The following MERTK variants were observed in gnomAD, a reference collection of about 807,000 sequenced individuals.
MERTK encodes tyrosine-protein kinase Mer.
Under a neutral mutation model 99.3 loss-of-function variants are expected in MERTK, and 69 were observed. The ratio of observed to expected loss-of-function variants is 0.70; its 90% CI spans 0.57 to 0.85. The LOEUF (loss-of-function observed/expected upper bound fraction) is 0.85. MERTK is among the 40% of genes least tolerant of loss of function. The pLI is 0.00. For synonymous variants in MERTK, 426 were observed against 467.6 expected (o/e 0.91, Z 1.15); for missense variants, 1,125 against 1,249.4 (o/e 0.90, Z 1.50).
intron 7 of MERTK, among the ~76,000 whole-genome samples, chr2:111,976,779 C>A (rs1011102329): frequency 4.0e-5 from 6 of 150,448 alleles, no homozygotes; most frequent in Non-Finnish European, 7.4e-5. Context: ...TTTTATGATT[C>A]TATGTTTAAT....
At chr2:111,978,751 AT>A (rs1676307848) in intron 7 of MERTK, among the ~76,000 whole-genome samples, 1 of 152,268 alleles carries the variant, frequency 6.6e-6, no homozygotes, top group East Asian at 1.9e-4. Flanking sequence ...ATAATGTTTG[AT>A]TGGATTACAG....
intron 1 of MERTK, among the ~76,000 whole-genome samples, chr2:111,901,356 C>G (rs1278047661): frequency 6.6e-6 from 1 of 152,050 alleles, no homozygotes; most frequent in African/African-American, 2.4e-5. Context: ...CTTTTCCAAA[C>G]TGATATTGTA....
intron 8 of MERTK, among the ~76,000 whole-genome samples, chr2:111,986,577 C>T (rs569887561): frequency 6.6e-6 from 1 of 152,306 alleles, no homozygotes; most frequent in South Asian, 2.1e-4. Context: ...TTCTGAAGGG[C>T]AGCAATGATG....
intron 2 of MERTK, among the ~76,000 whole-genome samples, chr2:111,943,678 A>G (rs1684904420): frequency 6.6e-6 from 1 of 152,252 alleles, no homozygotes. Flanking sequence ...AAATACAGTC[A>G]TGCTGTCAGT....
At chr2:111,960,425 G>A (rs1225474308) in intron 4 of MERTK, among the ~76,000 whole-genome samples, 1 of 145,896 alleles carries the variant, frequency 6.9e-6, no homozygotes, top group African/African-American at 2.5e-5. Context: ...AGGTTGCAGT[G>A]AGCCAAGATC....
chr2:112,002,949 G>C (rs1676899612), intron 11 of MERTK, 143 bp from the exon 12 acceptor site: 2 of 530,980 alleles, frequency 3.8e-6, no homozygotes, highest in Admixed American at 5.4e-5. Context: ...CTCCAGCCTG[G>C]GCAACAGAGC....
chr2:112,004,677 T>C (rs879434523), intron 13 of MERTK, among the ~76,000 whole-genome samples: 4 of 152,130 alleles, frequency 2.6e-5, no homozygotes, highest in African/African-American at 4.8e-5. Flanking sequence ...TTTGGGAGGC[T>C]GAGGCGGGCA....
At chr2:111,943,412 G>A (rs1684899864) in intron 2 of MERTK, among the ~76,000 whole-genome samples, 1 of 152,174 alleles carries the variant, frequency 6.6e-6, no homozygotes, top group Non-Finnish European at 1.5e-5. Flanking sequence ...GGTGGCTCAT[G>A]GCTGTAATCC....
Position 112,029,042 on chromosome 2 carries a change from T to C in MERTK, c.*178T>C. ...TAAAAATACATAATATATATTTATT[T>C]AAAGAGAAAAAATATGTGTATATCA... On this transcript the variant is annotated 3_prime_UTR_variant, in exon 19 of 19. Coordinates refer to ENST00000295408, the MANE Select transcript of MERTK (RefSeq NM_006343.3). The C allele has an allele frequency of 7.3e-7, 1 of 1,375,508 alleles. No individual in the cohort carries two copies. The highest frequency in any genetic ancestry group is 9.4e-7 in the Non-Finnish European group (1 of 1,058,674). The allele number at this position is 1,375,508 out of a possible 1,614,324, so 85.2% of individuals were successfully genotyped here.
intron 15 of MERTK, among the ~76,000 whole-genome samples, chr2:112,018,716 C>A (rs996666397): frequency 1.3e-5 from 2 of 152,174 alleles, no homozygotes; most frequent in African/African-American, 2.4e-5. Context: ...ATCCTCATAA[C>A]TGATTCCAAC....
At position 112,008,493 on chromosome 2, in the gene MERTK, A is replaced by C. The variant is rs1558805585; in HGVS notation, c.1960+18A>C. The C allele has an allele frequency of 1.3e-6, 2 of 1,598,914 alleles. No homozygotes were observed. The highest frequency in any genetic ancestry group is 3.3e-5 in the Admixed American group (2 of 60,012). On this transcript the variant is annotated intron_variant, in intron 14 of 18. Transcript: ENST00000295408. ...ACTTCTAGGTACTTCCGAGAAATGC[A>C]GGAGTGGGTGGCCAAGAGGGCTCTG...
rs994348770 is a variant in MERTK at position 112,021,657 on chromosome 2, T to TA, written c.2349+77dup. The TA allele has an allele frequency of 2.9e-6, 4 of 1,365,786 alleles. No homozygotes were observed. In the African/African-American group the frequency reaches 5.7e-5, roughly 20 times the overall value. 84.6% of individuals were successfully genotyped at this position (1,365,786 alleles called of 1,614,324 possible). ...TATTGAAAGAAATGACCTCAGCTGG[T>TA]ATGGCAAGACATTTTACTCTTTGAT... On this transcript the variant is annotated intron_variant, in intron 17 of 18. Transcript: ENST00000295408.
chr2:111,987,722 A>G (rs926125828), intron 8 of MERTK, among the ~76,000 whole-genome samples: 90 of 152,210 alleles, frequency 5.9e-4, no homozygotes, highest in African/African-American at 2.1e-3. Flanking sequence ...AATATTGCAT[A>G]TTATACCACC....
Position 111,975,370 on chromosome 2 carries a change from C to A in MERTK, c.1042C>A (p.Gln348Lys). 6.2e-7 allele frequency: 1 copy of A among 1,614,182 alleles called. No homozygotes were observed. Among genetic ancestry groups the A allele is most frequent in the Non-Finnish European group, 8.5e-7 (1 of 1,180,004 alleles). Residue 348 changes from glutamine to lysine, a missense_variant, in exon 7 of 19, where the codon CAG (glutamine) becomes AAG (lysine). Physicochemically the swap from Gln to Lys is moderately conservative, Grantham distance 53. Coordinates refer to ENST00000295408, the MANE Select transcript of MERTK (RefSeq NM_006343.3). ...SALPHLYQIK[Q>K]LQALANYSIG... is the part of the protein sequence containing the mutation. ...CTTACCACATCTGTACCAAATCAAG[C>A]AGCTGCAAGCCCTGGCTAATTACAG...
At chr2:112,028,205 C>A in intron 18 of MERTK, 146 bp from the exon 19 acceptor site, 2 of 868,964 alleles carry the variant, frequency 2.3e-6, no homozygotes, top group South Asian at 1.6e-5. Context: ...AAATATTAGG[C>A]CACCAAAAAA....
At chr2:111,909,837 G>A (rs1207413056) in intron 1 of MERTK, among the ~76,000 whole-genome samples, 3 of 151,904 alleles carry the variant, frequency 2.0e-5, no homozygotes, top group African/African-American at 4.8e-5. Flanking sequence ...CCCTCAGTTC[G>A]GTCCGGGAAC....
intron 4 of MERTK, among the ~76,000 whole-genome samples, chr2:111,957,814 A>G (rs1685177736): frequency 6.6e-6 from 1 of 152,192 alleles, no homozygotes; most frequent in Non-Finnish European, 1.5e-5. Context: ...TTCCTTTGGT[A>G]GAAAGATGGA....
Position 111,919,782 on chromosome 2 carries a change from TTTTTTC to T in MERTK, c.62-9327_62-9322del, listed in dbSNP as rs557340179. 4.4e-3 allele frequency among the ~76,000 whole-genome samples: 662 copies of T among 150,610 alleles called. 3 individuals are homozygous for T. The highest frequency in any genetic ancestry group is 7.2e-3 in the Non-Finnish European group (488 of 67,712). On this transcript the variant is annotated intron_variant, in intron 1 of 18. Coordinates refer to ENST00000295408, the MANE Select transcript of MERTK (RefSeq NM_006343.3). ...CCTCTGCTCATTTTGTTTTTTGATGTTTTTTCTTTTTCTTTTCTTTTTTTTTTTTTT... is the reference window on the plus strand; with the variant it reads ...CCTCTGCTCATTTTGTTTTTTGATGTTTTTTCTTTTCTTTTTTTTTTTTTT...
intron 1 of MERTK, 59 bp downstream of exon 1, chr2:111,898,855 G>T (rs1025142548): frequency 1.3e-6 from 2 of 1,516,532 alleles, no homozygotes; most frequent in African/African-American, 2.8e-5. Flanking sequence ...AGGAAGCAGG[G>T]GCCTCTGGGG....
Sources: gnomAD v4.1 joint callset for allele counts (sites outside exome capture counted in the v4.1 genomes callset) on GRCh38, gnomAD v4.1.1 for gene constraint, MANE v1.5 for transcripts, NCBI Gene and HGNC (gene_info 2026-07-23, HGNC 2026-07-21) for gene names.